PPP3CA: variants seen among roughly 807,000 people sequenced by gnomAD.
PPP3CA encodes CAM-PRP catalytic subunit.
In PPP3CA, 14 loss-of-function variants were observed where a neutral mutation model predicts 66.5. That is an observed-to-expected ratio of 0.21 (90% CI 0.14 to 0.33). PPP3CA has a LOEUF of 0.33. PPP3CA is among the 10% of genes least tolerant of loss of function. The probability of loss-of-function intolerance (pLI) is 1.00; values close to 1 mark genes in which losing one functional copy is unlikely to be tolerated. For synonymous variants in PPP3CA, 232 were observed against 226.2 expected (o/e 1.03, Z -0.23); for missense variants, 317 against 639.5 (o/e 0.50, Z 5.44).
At chr4:101,192,938 A>G (rs1345470912) in intron 2 of PPP3CA, among the ~76,000 whole-genome samples, 1 of 152,200 alleles carries the variant, frequency 6.6e-6, no homozygotes, top group Non-Finnish European at 1.5e-5. Flanking sequence ...CAGCTATTTA[A>G]TAGTTTCTTT....
intron 1 of PPP3CA, among the ~76,000 whole-genome samples, chr4:101,221,801 A>G (rs958379): frequency 0.66 from 100,109 of 151,258 alleles, 34,122 homozygotes; most frequent in Non-Finnish European, 0.74. Context: ...TAACAGCATC[A>G]TTTAGTAACT....
chr4:101,124,737 AAG>A (rs761411368), intron 2 of PPP3CA, among the ~76,000 whole-genome samples: 90 of 74,026 alleles, frequency 1.2e-3, no homozygotes, highest in African/African-American at 5.0e-3. Context: ...GAAAGAAAGA[AAG>A]AAAGAAAGAA....
chr4:101,336,505 G>A (rs939955028), intron 1 of PPP3CA, among the ~76,000 whole-genome samples: 2 of 151,542 alleles, frequency 1.3e-5, no homozygotes, highest in Admixed American at 1.3e-4. Context: ...TTCAGGAGCC[G>A]GAGGTTGCAG....
intron 1 of PPP3CA, among the ~76,000 whole-genome samples, 167 bp downstream of exon 1, chr4:101,346,572 C>CG (rs1023204781): frequency 1.4e-4 from 21 of 150,764 alleles, no homozygotes; most frequent in African/African-American, 5.1e-4. Flanking sequence ...GCCGCGGGGG[C>CG]GGGGGGTTCG....
intron 9 of PPP3CA, among the ~76,000 whole-genome samples, chr4:101,062,389 GT>G (rs1728501824): frequency 6.7e-6 from 1 of 150,146 alleles, no homozygotes; most frequent in Non-Finnish European, 1.5e-5. Flanking sequence ...AACCATTAGG[GT>G]TTCAGAAAAA....
At chr4:101,114,494 A>G (rs1721780559) in intron 2 of PPP3CA, among the ~76,000 whole-genome samples, 1 of 152,102 alleles carries the variant, frequency 6.6e-6, no homozygotes, top group South Asian at 2.1e-4. Flanking sequence ...AATATAATCT[A>G]TCTTGGTAAT....
At position 101,298,841 on chromosome 4, in the gene PPP3CA, CTGTGTGTGTGTG is replaced by C. The variant is rs57507050; in HGVS notation, c.58+47886_58+47897del. 3.6e-3 allele frequency among the ~76,000 whole-genome samples: 508 copies of C among 140,088 alleles called. 2 individuals carry two copies. Among genetic ancestry groups the C allele is most frequent in the African/African-American group, 0.012 (456 of 38,314 alleles). The allele number at this position is 140,088 out of a possible 152,430, so 91.9% of individuals were successfully genotyped here. A position where few individuals can be genotyped will look rare whatever the true frequency, so the allele number is the denominator to read the frequency against. ...AGTCCCCAAATTGTTCAAGGGTCTA[CTGTGTGTGTGTG>C]TGTGTGTGTGTGTGTGTGTGTGTGT... On this transcript the variant is annotated intron_variant, in intron 1 of 13. Coordinates refer to ENST00000394854, the MANE Select transcript of PPP3CA (RefSeq NM_000944.5).
intron 2 of PPP3CA, among the ~76,000 whole-genome samples, chr4:101,187,024 G>A (rs986148476): frequency 2.9e-4 from 44 of 152,224 alleles, no homozygotes; most frequent in African/African-American, 1.1e-3. Context: ...TGAATAGATA[G>A]AAAGCTGAGA....
intron 1 of PPP3CA, among the ~76,000 whole-genome samples, chr4:101,218,890 C>T (rs1725535313): frequency 1.3e-5 from 2 of 152,048 alleles, no homozygotes; most frequent in South Asian, 4.1e-4. Context: ...AGAATATTCT[C>T]TACCACTATT....
chr4:101,147,958 T>A (rs557658103), intron 2 of PPP3CA, among the ~76,000 whole-genome samples: 1 of 152,190 alleles, frequency 6.6e-6, no homozygotes, highest in East Asian at 1.9e-4. Flanking sequence ...AAGATCCACG[T>A]CTCTGTCCAA....
intron 1 of PPP3CA, among the ~76,000 whole-genome samples, chr4:101,238,584 C>T (rs377353396): frequency 1.4e-4 from 21 of 152,034 alleles, no homozygotes; most frequent in African/African-American, 5.1e-4. Flanking sequence ...AGCTTATTTT[C>T]CTCCATACAA....
Position 101,320,151 on chromosome 4 carries a change from G to A in PPP3CA, c.58+26588C>T, listed in dbSNP as rs745660372. On this transcript the variant is annotated intron_variant, in intron 1 of 13. Coordinates refer to ENST00000394854, the MANE Select transcript of PPP3CA (RefSeq NM_000944.5). Reference sequence around the variant, plus strand: ...CAACTAAGAATTCACACATGCACACGCGTGTACATGTACTCACACACACAC... The same window carrying A: ...CAACTAAGAATTCACACATGCACACACGTGTACATGTACTCACACACACAC... 5.3e-5 allele frequency among the ~76,000 whole-genome samples: 8 copies of A among 151,468 alleles called. 1 individual carries two copies. The highest frequency in any genetic ancestry group is 2.1e-4 in the South Asian group (1 of 4,798).
At chr4:101,342,053 G>C (rs141133023) in intron 1 of PPP3CA, among the ~76,000 whole-genome samples, 1 of 152,184 alleles carries the variant, frequency 6.6e-6, no homozygotes, top group African/African-American at 2.4e-5. Context: ...AATTACAAAA[G>C]TTATAAATGA....
chr4:101,080,488 A>T, intron 8 of PPP3CA, 44 bp downstream of exon 8: 1 of 1,055,160 alleles, frequency 9.5e-7, no homozygotes. Context: ...AAGAATTATT[A>T]CACATATTAT....
intron 1 of PPP3CA, among the ~76,000 whole-genome samples, chr4:101,221,752 T>C (rs1725631725): frequency 6.6e-6 from 1 of 151,736 alleles, no homozygotes; most frequent in East Asian, 1.9e-4. Context: ...TAATCATATT[T>C]ACAACTCCAA....
At chr4:101,291,336 C>T (rs1220662586) in intron 1 of PPP3CA, among the ~76,000 whole-genome samples, 1 of 152,158 alleles carries the variant, frequency 6.6e-6, no homozygotes, top group Admixed American at 6.5e-5. Context: ...CTATGACTTG[C>T]AACCTAAGGA....
chr4:101,219,405 T>C (rs1373548391), intron 1 of PPP3CA, among the ~76,000 whole-genome samples: 1 of 151,944 alleles, frequency 6.6e-6, no homozygotes, highest in Non-Finnish European at 1.5e-5. Context: ...TCACATCTTG[T>C]GAATAATATT....
At chr4:101,093,602 C>G (rs959364457) in intron 6 of PPP3CA, among the ~76,000 whole-genome samples, 174 bp downstream of exon 6, 1 of 152,178 alleles carries the variant, frequency 6.6e-6, no homozygotes, top group South Asian at 2.1e-4. Flanking sequence ...ATCTATTTCA[C>G]ATTTATTTAC....
At chr4:101,320,189 T>C (rs184905662) in intron 1 of PPP3CA, among the ~76,000 whole-genome samples, 2 of 150,204 alleles carry the variant, frequency 1.3e-5, no homozygotes, top group East Asian at 2.0e-4. Flanking sequence ...ACAGAATCTG[T>C]AGTGAATTTT....
Sources: allele counts gnomAD v4.1 joint callset (sites outside exome capture counted in the v4.1 genomes callset), GRCh38; gene constraint gnomAD v4.1.1; transcripts MANE v1.5; gene names NCBI Gene and HGNC (gene_info 2026-07-23, HGNC 2026-07-21).